The following RBM26 variants were observed in gnomAD, a reference collection of about 807,000 sequenced individuals.
RBM26 encodes the protein RNA binding motif protein 26, also known as RNA-binding protein 26.
A neutral mutation model predicts 123.6 loss-of-function variants in RBM26; 30 were observed. That is an observed-to-expected ratio of 0.24 (90% CI 0.18 to 0.33). The LOEUF (loss-of-function observed/expected upper bound fraction) is 0.33, where lower values mean the gene tolerates loss of function less well. RBM26 is among the 10% of genes least tolerant of loss of function. The pLI is 1.00. For missense variants in RBM26, 947 were observed against 1,203.6 expected, an observed-to-expected ratio of 0.79 and a Z score of 3.15; for synonymous variants, 400 against 404.4, an observed-to-expected ratio of 0.99 and a Z score of 0.13.
At position 79,365,734 on chromosome 13, in the gene RBM26, CTG is replaced by C. The variant is rs1425947193; in HGVS notation, c.1277-18_1277-17del. The stretch of plus-strand genomic sequence containing the variant: ...TCATATGTATCTGGTAATACAAAAA[CTG>C]TAATTAAAAAACAATTATAAAACTC... On this transcript the variant is annotated splice_polypyrimidine_tract_variant and intron_variant, in intron 8 of 21. Coordinates refer to ENST00000438737, the MANE Select transcript of RBM26 (RefSeq NM_001366735.2). The C allele has an allele frequency of 3.8e-6, 6 of 1,599,952 alleles. No homozygotes were observed. The highest frequency in any genetic ancestry group is 4.3e-6 in the Non-Finnish European group (5 of 1,175,706).
intron 20 of RBM26, among the ~76,000 whole-genome samples, chr13:79,332,437 T>C (rs993500776): frequency 1.3e-5 from 2 of 152,202 alleles, no homozygotes; most frequent in Non-Finnish European, 2.9e-5. Context: ...CTGCTCTATA[T>C]GTATCCTGCT....
Position 79,375,786 on chromosome 13 carries a change from T to G in RBM26, c.327+1593A>C, listed in dbSNP as rs539758082. Among the ~76,000 whole-genome samples, 19 of 151,768 alleles carry G rather than the reference T, an allele frequency of 1.3e-4. 1 individual carries two copies. In the South Asian group the frequency reaches 3.9e-3, roughly 31 times the overall value. ...ATATAAATATATTTGAGATTACATA[T>G]TATAATATATATTTTATTGCATAAT... On this transcript the variant is annotated intron_variant, in intron 3 of 21. Transcript: ENST00000438737.
chr13:79,327,636 A>G (rs555740871), intron 20 of RBM26, among the ~76,000 whole-genome samples: 1 of 152,294 alleles, frequency 6.6e-6, no homozygotes, highest in East Asian at 1.9e-4. Flanking sequence ...TAATAAAAAA[A>G]GATGAACAGT....
chr13:79,322,090 T>G (rs2067738193), intron 21 of RBM26, among the ~76,000 whole-genome samples: 1 of 151,530 alleles, frequency 6.6e-6, no homozygotes, highest in African/African-American at 2.4e-5. Context: ...AAAAATCTAA[T>G]GAATAATCAT....
chr13:79,384,316 G>A (rs760216561), intron 1 of RBM26, among the ~76,000 whole-genome samples: 14 of 150,918 alleles, frequency 9.3e-5, no homozygotes, highest in East Asian at 1.9e-4. Flanking sequence ...GCTGGAGGGC[G>A]GTGGTGCAAT....
At chr13:79,375,869 A>C (rs1343773376) in intron 3 of RBM26, among the ~76,000 whole-genome samples, 1 of 151,934 alleles carries the variant, frequency 6.6e-6, no homozygotes, top group Non-Finnish European at 1.5e-5. Flanking sequence ...AAAAGGTCAC[A>C]ACATCAACAT....
chr13:79,334,463 T>A, intron 19 of RBM26, 33 bp from the exon 20 acceptor site: 1 of 1,249,960 alleles, frequency 8.0e-7, no homozygotes, highest in Non-Finnish European at 1.1e-6. Context: ...TTCCTCCAAA[T>A]AAATATTTTG....
In RBM26 at chr13:79,354,554, A is replaced by T; in HGVS notation, c.1871T>A (p.Val624Asp). The change falls in exon 13 of 22, where the codon GTC becomes GAC. Residue 624 changes from valine to aspartate, a missense_variant. Physicochemically the swap from Val to Asp is radical, Grantham distance 152. Around this residue, in one of 5 missense-constraint regions of RBM26, gnomAD observed 493 missense variants for 563.1 expected, o/e 0.88. Coordinates refer to ENST00000438737, the MANE Select transcript of RBM26 (RefSeq NM_001366735.2). ...CACAACAGGCAAAATGGGCTGCTGG[A>T]CTAAAGGCTGCATTACCTCAGAACA... ...TTSPKVMQPL[V>D]QQPILPVVKQ... 1 of 1,601,304 alleles carries T rather than the reference A, an allele frequency of 6.2e-7. No individual in the cohort carries two copies. The highest frequency in any genetic ancestry group is 1.1e-5 in the South Asian group (1 of 89,252).
rs370821650 is a variant in RBM26 at position 79,336,910 on chromosome 13, AT to A, written c.2733+191del. Among the ~76,000 whole-genome samples the A allele has an allele frequency of 6.6e-5, 10 of 152,322 alleles. No individual in the cohort carries two copies. The East Asian group carries it at 1.5e-3, about 23-fold the overall frequency. On this transcript the variant is annotated intron_variant, in intron 19 of 21. Coordinates refer to ENST00000438737, the MANE Select transcript of RBM26 (RefSeq NM_001366735.2). ...TGGCCTACTAAGTGTAAGAATAGTA[AT>A]GTCTCTTCTAGATAATTATACAAAT...
intron 3 of RBM26, among the ~76,000 whole-genome samples, chr13:79,374,341 C>T (rs1356532706): frequency 1.3e-5 from 2 of 151,952 alleles, no homozygotes; most frequent in Non-Finnish European, 2.9e-5. Context: ...TGGTGGCACG[C>T]GCCTGTAATC....
At chr13:79,345,435 T>C (rs906853636) in intron 14 of RBM26, among the ~76,000 whole-genome samples, 2 of 152,110 alleles carry the variant, frequency 1.3e-5, no homozygotes, top group African/African-American at 4.8e-5. Flanking sequence ...TTTTAGTTAG[T>C]GTCAGCTATT....
At chr13:79,405,200 C>T (rs2079423542) in intron 1 of RBM26, among the ~76,000 whole-genome samples, 1 of 152,196 alleles carries the variant, frequency 6.6e-6, no homozygotes, top group Non-Finnish European at 1.5e-5. Context: ...TACTGGCCAC[C>T]TCAGCACCTG....
chr13:79,344,357 T>G (rs772090427), intron 15 of RBM26, 35 bp from the exon 16 acceptor site: 1 of 1,407,438 alleles, frequency 7.1e-7, no homozygotes, highest in Non-Finnish European at 1.0e-6. Flanking sequence ...ATTAGAATAT[T>G]ACTAAGGATA....
At chr13:79,388,805 A>G (rs1315066695) in intron 1 of RBM26, among the ~76,000 whole-genome samples, 1 of 152,246 alleles carries the variant, frequency 6.6e-6, no homozygotes, top group Non-Finnish European at 1.5e-5. Context: ...AGGTAAGATA[A>G]GCACTTGAGA....
intron 1 of RBM26, among the ~76,000 whole-genome samples, chr13:79,391,720 A>G (rs996628004): frequency 2.6e-4 from 39 of 152,254 alleles, no homozygotes; most frequent in South Asian, 1.2e-3. Flanking sequence ...CACCGCACCC[A>G]GCCGAAGCAT....
In RBM26 at chr13:79,365,572, T is replaced by C. The variant is rs1434343784; in HGVS notation, c.1417+6A>G. On this transcript the variant is annotated splice_donor_region_variant and intron_variant, in intron 9 of 21. Transcript: ENST00000438737. ...AATGACAGGAAGGAAAGATTAATTA[T>C]AGTACCTCTGGGTGGCAAATCCATA... is the stretch of plus-strand genomic sequence containing the variant. 8 of 1,607,228 alleles carry C rather than the reference T, an allele frequency of 5.0e-6. No homozygotes were observed. Among genetic ancestry groups the C allele is most frequent in the African/African-American group, 2.7e-5 (2 of 74,854 alleles).
chr13:79,366,755 A>G lies in RBM26; in HGVS notation c.1013T>C (p.Val338Ala). 1 of 1,613,922 alleles carries G rather than the reference A, an allele frequency of 6.2e-7. No individual in the cohort carries two copies. Among genetic ancestry groups the G allele is most frequent in the Non-Finnish European group, 8.5e-7 (1 of 1,179,920 alleles). ...GAGTCCAGGAGGAGGTGGTCCTTCA[A>G]CAACAGGAGGCTGTGCTGGGAAAGG... is the stretch of plus-strand genomic sequence containing the variant. ...MLPFPAQPPV[V>A]EGPPPPGLPP... The change falls in exon 7 of 22, where the codon GTT becomes GCT. Residue 338 changes from valine to alanine, a missense_variant. Physicochemically the swap from Val to Ala is moderately conservative, Grantham distance 64. This residue lies in a region of RBM26 where 493 missense variants were observed against 563.1 expected (regional missense o/e 0.88). Transcript: ENST00000438737.
rs1392273489 is a variant in RBM26, at chr13:79,368,655, T to G, written c.895+75A>C. 3 of 1,408,176 alleles carry G rather than the reference T, an allele frequency of 2.1e-6. No homozygotes were observed. In the African/African-American group the frequency reaches 4.3e-5, roughly 20 times the overall value. 87.2% of individuals were successfully genotyped at this position (1,408,176 alleles called of 1,614,324 possible). The stretch of plus-strand genomic sequence containing the variant: ...TCAGAGGTAAGTCTTTGAATAACTA[T>G]GTACAACATAAACACAGAATTTAGG... On this transcript the variant is annotated intron_variant, in intron 6 of 21. Transcript: ENST00000438737.
Position 79,344,769 on chromosome 13 carries a change from G to T in RBM26, c.2084C>A (p.Thr695Lys). 1 of 1,612,770 alleles carries T rather than the reference G, an allele frequency of 6.2e-7. No homozygotes were observed. The highest frequency in any genetic ancestry group is 1.1e-5 in the South Asian group (1 of 90,950). ...AGCAGCTGGATTATACACTGTTTTT[G>T]TTAGGCCAGTAGATGTAGACAACAC... Reference protein sequence around the residue: ...EKVLSTSTGLTKTVYNPAALK... With the variant: ...EKVLSTSTGLKKTVYNPAALK... The change falls in exon 15 of 22, where the codon ACA (threonine) becomes AAA (lysine). Residue 695 changes from threonine to lysine, a missense_variant. Physicochemically the swap from Thr to Lys is moderately conservative, Grantham distance 78 (BLOSUM62 -1). This residue lies in a region of RBM26 where 493 missense variants were observed against 563.1 expected (regional missense o/e 0.88). Coordinates refer to ENST00000438737, the MANE Select transcript of RBM26 (RefSeq NM_001366735.2).
Sources: gnomAD v4.1 joint callset for allele counts (sites outside exome capture counted in the v4.1 genomes callset) on GRCh38, gnomAD v4.1.1 for gene constraint, gnomAD v4.1.1 regional missense constraint, MANE v1.5 for transcripts, NCBI Gene and HGNC (gene_info 2026-07-23, HGNC 2026-07-21) for gene names.